Variants in FADS2 observed in about 807,000 individuals in gnomAD.
The protein encoded by FADS2 is acyl-CoA 6-desaturase.
A neutral mutation model predicts 61.2 loss-of-function variants in FADS2; 18 were observed. That is an observed-to-expected ratio of 0.29 (90% confidence interval 0.20 to 0.44). The LOEUF is 0.44. Ranked by LOEUF, FADS2 falls within the 20% of genes least tolerant of loss-of-function variation. The pLI, the probability that FADS2 is intolerant of heterozygous loss-of-function variation, is 1.00. For missense variants in FADS2, 322 were observed against 572.7 expected (o/e 0.56, Z 4.47); for synonymous variants, 203 against 223.9 (o/e 0.91, Z 0.83).
chr11:61,828,423 C>T lies in FADS2; in HGVS notation c.33C>T (p.Ala11=), dbSNP rs371500055. The T allele has an allele frequency of 2.0e-5, 31 of 1,580,446 alleles. No homozygotes were observed. Among genetic ancestry groups the T allele is most frequent in the Non-Finnish European group, 2.6e-5 (30 of 1,164,640 alleles). Residue 11 remains alanine (A), a synonymous_variant, in exon 1 of 12, where the codon GCC becomes GCT. Coordinates refer to ENST00000278840, the MANE Select transcript of FADS2 (RefSeq NM_004265.4). This position sits in a 1 kb window ranked among gnomAD's most constrained non-coding sequence, Gnocchi z 6.4. ...AGGGAGGGAACCAGGGCGAGGGGGCCGCCGAGCGCGAGGTGTCGGTGCCCA... is the reference window on the plus strand; with the variant it reads ...AGGGAGGGAACCAGGGCGAGGGGGCTGCCGAGCGCGAGGTGTCGGTGCCCA... MGKGGNQGEG[A]AEREVSVPTF...
intron 1 of FADS2, among the ~76,000 whole-genome samples, chr11:61,832,241 T>C (rs2067136869): frequency 6.6e-6 from 1 of 152,264 alleles, no homozygotes; most frequent in Admixed American, 6.5e-5. Context: ...AACCTGCTCC[T>C]ATGTTATTCT....
At chr11:61,824,443 GGAGGGAGGGAGGGAGGGA>G (rs2067058586), upstream of FADS2, among the ~76,000 whole-genome samples, 2 of 5,048 alleles carry the variant, frequency 4.0e-4, no homozygotes, top group Non-Finnish European at 4.0e-4. Context: ...AGGGAGGGAG[GGAGGGAGGGAGGGAGGGA>G]GAGAGAGAGA....
chr11:61,838,000 G>A (rs900500175), intron 2 of FADS2, 112 bp downstream of exon 2: 1 of 759,382 alleles, frequency 1.3e-6, no homozygotes, highest in African/African-American at 1.7e-5. Context: ...AGGCAGGGGT[G>A]CTTTTGTCCT....
chr11:61,843,651 G>C (rs1591171596), intron 4 of FADS2, among the ~76,000 whole-genome samples: 1 of 152,094 alleles, frequency 6.6e-6, no homozygotes, highest in Non-Finnish European at 1.5e-5. Context: ...ATGTTTTAAT[G>C]CAATGTGGTT....
chr11:61,819,937 A>G (rs957254423), intron 1 of FADS2, among the ~76,000 whole-genome samples: 1 of 149,972 alleles, frequency 6.7e-6, no homozygotes, highest in Middle Eastern at 3.2e-3. Context: ...CTATAAAAAG[A>G]CTAGGTTGGG....
At chr11:61,838,612 G>C (rs2067194127) in intron 2 of FADS2, among the ~76,000 whole-genome samples, 1 of 152,058 alleles carries the variant, frequency 6.6e-6, no homozygotes, top group East Asian at 1.9e-4. Context: ...GCAGGACCAG[G>C]GTCTCTCCCG....
chr11:61,837,407 A>C (rs896701043), intron 1 of FADS2, among the ~76,000 whole-genome samples: 3 of 152,208 alleles, frequency 2.0e-5, no homozygotes, highest in African/African-American at 7.2e-5. Flanking sequence ...GCACCATGCA[A>C]GGCACTCAGC....
intron 5 of FADS2, among the ~76,000 whole-genome samples, chr11:61,853,276 TTCCC>T (rs1262628030): frequency 4.6e-5 from 3 of 64,546 alleles, no homozygotes; most frequent in Non-Finnish European, 8.7e-5. Flanking sequence ...CCTCCCTCCC[TTCCC>T]TCCCTCCCTC....
At chr11:61,861,036 C>CA (rs1442095966) in intron 7 of FADS2, among the ~76,000 whole-genome samples, 2 of 151,110 alleles carry the variant, frequency 1.3e-5, no homozygotes, top group Non-Finnish European at 2.9e-5. Context: ...GAGACCCCCC[C>CA]ATCTCTATAA....
In FADS2 at chr11:61,867,328, G is replaced by T. The variant is rs974380676; in HGVS notation, c.*1639G>T. 4 of 151,444 alleles carry T rather than the reference G, an allele frequency of 2.6e-5. No individual in the cohort carries two copies. The highest frequency in any genetic ancestry group is 6.6e-5 in the Admixed American group (1 of 15,180). 9.4% of individuals were successfully genotyped at this position (151,444 alleles called of 1,614,324 possible). On this transcript the variant is annotated 3_prime_UTR_variant, in exon 12 of 12. Transcript: ENST00000278840. ...TTACTTCCCCACCCCTACATTTTTT[G>T]AAATAAAATAAGGAATTTTATTCTC...
intron 1 of FADS2, among the ~76,000 whole-genome samples, chr11:61,836,977 G>GA (rs1488930619): frequency 2.0e-5 from 3 of 152,116 alleles, no homozygotes; most frequent in African/African-American, 7.2e-5. Context: ...AATATGTATA[G>GA]AAAAAAGCTG....
rs1565335853 is a variant in FADS2, at chr11:61,857,119, C to CA, written c.805+49dup. 4 of 1,489,062 alleles carry CA rather than the reference C, an allele frequency of 2.7e-6. No homozygotes were observed. The South Asian group carries it at 4.5e-5, about 17-fold the overall frequency. 92.2% of individuals were successfully genotyped at this position (1,489,062 alleles called of 1,614,324 possible). On this transcript the variant is annotated intron_variant, in intron 6 of 11. Coordinates refer to ENST00000278840, the MANE Select transcript of FADS2 (RefSeq NM_004265.4). Reference sequence around the variant, plus strand: ...TCACTCTGGGACCCTCCCCTCCCCCCAGAGTGGCGTGTCTCTCCCTCCTAC... The same window carrying CA: ...TCACTCTGGGACCCTCCCCTCCCCCCAAGAGTGGCGTGTCTCTCCCTCCTAC...
chr11:61,824,443 G>GA (rs2067058514), upstream of FADS2, among the ~76,000 whole-genome samples: 1 of 5,048 alleles, frequency 2.0e-4, no homozygotes, highest in African/African-American at 6.3e-4. Context: ...AGGGAGGGAG[G>GA]GAGGGAGGGA....
Position 61,828,674 on chromosome 11 carries a change from A to C in FADS2, c.207+77A>C. 1 of 1,334,960 alleles carries C rather than the reference A, an allele frequency of 7.5e-7. No homozygotes were observed. The highest frequency in any genetic ancestry group is 1.0e-6 in the Non-Finnish European group (1 of 957,232). The allele number at this position is 1,334,960 out of a possible 1,614,324, so 82.7% of individuals were successfully genotyped here. A position where few individuals can be genotyped will look rare whatever the true frequency, so the allele number is the denominator to read the frequency against. On this transcript the variant is annotated intron_variant, in intron 1 of 11. Transcript: ENST00000278840. This position sits in a 1 kb window ranked among gnomAD's most constrained non-coding sequence, Gnocchi z 6.4. ...GGATCCCTGGCTCCCCGTGGGCCAA[A>C]CAGACCTCCGGCGCTGAATGGAGCT... is the stretch of plus-strand genomic sequence containing the variant.
Position 61,816,983 on chromosome 11 carries a change from G to A in FADS2, c.141+557G>A. The A allele has an allele frequency of 7.4e-7, 1 of 1,347,032 alleles. No individual in the cohort carries two copies. 83.4% of individuals were successfully genotyped at this position (1,347,032 alleles called of 1,614,324 possible). ...GATCCCGTCCCCCGGTGGGTCTTGG[G>A]CAACTCACAGCTGGGCTGCCAACAC... On this transcript the variant is annotated intron_variant, in intron 1 of 11. Coordinates refer to the FADS2 transcript ENST00000257261. This position sits in a 1 kb window ranked among gnomAD's most constrained non-coding sequence, Gnocchi z 7.0.
At chr11:61,820,469 G>A (rs534667737) in intron 1 of FADS2, among the ~76,000 whole-genome samples, 1 of 152,168 alleles carries the variant, frequency 6.6e-6, no homozygotes, top group South Asian at 2.1e-4. Context: ...CTTTTCATGT[G>A]TTCTTAGGTC....
At chr11:61,832,132 CT>C (rs959454943) in intron 1 of FADS2, among the ~76,000 whole-genome samples, 23 of 152,226 alleles carry the variant, frequency 1.5e-4, no homozygotes, top group African/African-American at 4.8e-4. Flanking sequence ...CCCCCTACCC[CT>C]AGCCCTTGTC....
intron 1 of FADS2, among the ~76,000 whole-genome samples, chr11:61,822,347 C>A (rs2067042080): frequency 6.6e-6 from 1 of 152,216 alleles, no homozygotes; most frequent in Admixed American, 6.5e-5. Flanking sequence ...GACAAGGTGA[C>A]AGATCCAAAG....
rs1333770322 is a variant in FADS2 at position 61,816,835 on chromosome 11, T to C, written c.141+409T>C. ...GCTCGGGGTCCGCGGGCTCCAGGAG[T>C]GGATTTGCTGGCGCGCGCCCAGAGC... On this transcript the variant is annotated intron_variant, in intron 1 of 11. Coordinates refer to the FADS2 transcript ENST00000257261. This position sits in a 1 kb window ranked among gnomAD's most constrained non-coding sequence, Gnocchi z 7.0. The C allele has an allele frequency of 6.7e-7, 1 of 1,487,542 alleles. No individual in the cohort carries two copies. The allele number at this position is 1,487,542 out of a possible 1,614,324, so 92.1% of individuals were successfully genotyped here.
Sources: allele counts gnomAD v4.1 joint callset (sites outside exome capture counted in the v4.1 genomes callset), GRCh38; gene constraint gnomAD v4.1.1; non-coding constraint Gnocchi (gnomAD v3.1); transcripts MANE v1.5; gene names NCBI Gene and HGNC (gene_info 2026-07-23, HGNC 2026-07-21).